GCSAML: variants seen among roughly 807,000 people sequenced by gnomAD.
GCSAML encodes the protein germinal center associated signaling and motility like, also known as germinal center-associated signaling and motility-like protein.
A neutral mutation model predicts 13.0 loss-of-function variants in GCSAML; 9 were observed. The observed-to-expected ratio is 0.69, with a 90% CI of 0.42 to 1.21. The LOEUF is 1.21. Ranked by LOEUF, GCSAML falls within the 50% of genes most tolerant of loss-of-function variation. The pLI, the probability that GCSAML is intolerant of heterozygous loss-of-function variation, is 0.00. For synonymous variants in GCSAML, 37 were observed against 52.9 expected (o/e 0.70, Z 1.31); for missense variants, 143 against 153.4 (o/e 0.93, Z 0.36).
chr1:247,524,028 ACT>A (rs1553302214), intron 1 of GCSAML, among the ~76,000 whole-genome samples: 3 of 150,368 alleles, frequency 2.0e-5, no homozygotes, highest in Non-Finnish European at 4.4e-5. Context: ...ACACACACAC[ACT>A]CTGCAGATGC....
At chr1:247,548,959 T>C (rs41315844), upstream of GCSAML, 8,427 of 1,001,434 alleles carry the variant, frequency 8.4e-3, 67 homozygotes, top group Non-Finnish European at 0.011. The surrounding 1 kb of genome is among the most constrained non-coding windows in gnomAD (Gnocchi z 5.3). Context: ...AGTGTGTGTG[T>C]GTGCGTGCAG....
chr1:247,570,844 A>T (rs994881618), intron 4 of GCSAML, among the ~76,000 whole-genome samples: 1 of 152,038 alleles, frequency 6.6e-6, no homozygotes, highest in Non-Finnish European at 1.5e-5. Flanking sequence ...TTGGAGTCTG[A>T]GTCTCTTTTT....
chr1:247,530,524 C>G (rs958954865), intron 2 of GCSAML: 28 of 141,650 alleles, frequency 2.0e-4, no homozygotes, highest in African/African-American at 6.8e-4. Flanking sequence ...CCATCCCCCC[C>G]CCACAAAATA....
chr1:247,534,115 C>T (rs1179474224), intron 2 of GCSAML, among the ~76,000 whole-genome samples: 3 of 152,178 alleles, frequency 2.0e-5, no homozygotes, highest in Non-Finnish European at 2.9e-5. Flanking sequence ...CTCACAACTC[C>T]CTTCTCTCTC....
At chr1:247,520,168 G>A (rs6682698) in intron 1 of GCSAML, among the ~76,000 whole-genome samples, 137 of 152,290 alleles carry the variant, frequency 9.0e-4, no homozygotes, top group African/African-American at 3.2e-3. Context: ...CTTAGTTCCT[G>A]TAATGGCTAG....
chr1:247,565,739 A>G (rs2103062628), intron 3 of GCSAML, 192 bp from the exon 4 acceptor site: 1 of 545,644 alleles, frequency 1.8e-6, no homozygotes, highest in East Asian at 3.4e-5. Flanking sequence ...TTCTTTCTTG[A>G]TTTTTTCACT....
At chr1:247,563,130 A>G (rs1176168) in intron 2 of GCSAML, among the ~76,000 whole-genome samples, 30,174 of 151,798 alleles carry the variant, frequency 0.2, 3,556 homozygotes, top group Middle Eastern at 0.32. Context: ...TCACAGGCAT[A>G]AGCCATCCCA....
chr1:247,534,512 CG>C (rs1412766165), intron 2 of GCSAML, among the ~76,000 whole-genome samples: 1 of 152,202 alleles, frequency 6.6e-6, no homozygotes, highest in Non-Finnish European at 1.5e-5. Context: ...TGGAATAAAA[CG>C]AGCACGATTT....
intron 1 of GCSAML, among the ~76,000 whole-genome samples, chr1:247,554,563 C>G (rs1667892202): frequency 6.6e-6 from 1 of 152,096 alleles, no homozygotes; most frequent in African/African-American, 2.4e-5. Flanking sequence ...TTTTAGCAAG[C>G]TATTTTCTTC....
At chr1:247,533,343 C>T (rs1217371591) in intron 2 of GCSAML, among the ~76,000 whole-genome samples, 9 of 152,152 alleles carry the variant, frequency 5.9e-5, no homozygotes, top group Admixed American at 5.9e-4. Context: ...CCTCATTCTT[C>T]CCCGCAGTTA....
chr1:247,516,604 G>A (rs1666218332), intron 1 of GCSAML, among the ~76,000 whole-genome samples: 1 of 148,504 alleles, frequency 6.7e-6, no homozygotes, highest in Admixed American at 6.7e-5. Flanking sequence ...TTTATATATG[G>A]CTGGTGATCA....
At chr1:247,537,996 G>A (rs970213804) in intron 2 of GCSAML, among the ~76,000 whole-genome samples, 6 of 151,646 alleles carry the variant, frequency 4.0e-5, no homozygotes, top group Admixed American at 6.6e-5. Flanking sequence ...TAATTTTGAT[G>A]AAGACTAATT....
chr1:247,561,273 G>T (rs935188889), intron 2 of GCSAML, among the ~76,000 whole-genome samples: 27 of 152,154 alleles, frequency 1.8e-4, no homozygotes, highest in Admixed American at 1.7e-3. Flanking sequence ...AACTGATAGA[G>T]CATACTTGTA....
intron 2 of GCSAML, 32 bp downstream of exon 2, chr1:247,556,498 T>A (rs746846334): frequency 2.0e-6 from 3 of 1,472,286 alleles, no homozygotes; most frequent in Non-Finnish European, 2.8e-6. Context: ...GTTTTTTTGT[T>A]TTGTTTTGTT....
At chr1:247,517,368 G>C (rs1254265742) in intron 1 of GCSAML, among the ~76,000 whole-genome samples, 1 of 152,186 alleles carries the variant, frequency 6.6e-6, no homozygotes. Context: ...TCGGCACAGA[G>C]TGTGAGACTG....
upstream of GCSAML, among the ~76,000 whole-genome samples, chr1:247,545,131 G>T (rs1667524951): frequency 6.6e-6 from 1 of 152,174 alleles, no homozygotes; most frequent in Admixed American, 6.5e-5. Flanking sequence ...TCAGATTTGA[G>T]AGTTTGTTTC....
intron 1 of GCSAML, among the ~76,000 whole-genome samples, chr1:247,553,565 C>T (rs928119994): frequency 1.3e-5 from 2 of 151,948 alleles, no homozygotes; most frequent in East Asian, 1.9e-4. Context: ...GGCATATTGC[C>T]TCTATCAAAA....
chr1:247,562,914 G>A (rs892670103), intron 2 of GCSAML, among the ~76,000 whole-genome samples: 3 of 151,322 alleles, frequency 2.0e-5, no homozygotes, highest in South Asian at 2.1e-4. Context: ...ATCTCTGCTC[G>A]CTGCAACCTC....
intron 1 of GCSAML, among the ~76,000 whole-genome samples, chr1:247,516,202 A>G (rs1256459998): frequency 6.6e-6 from 1 of 152,210 alleles, no homozygotes; most frequent in East Asian, 1.9e-4. Context: ...TGTTTCTGAA[A>G]ACACATATGG....
Sources: allele counts gnomAD v4.1 joint callset (sites outside exome capture counted in the v4.1 genomes callset), GRCh38; gene constraint gnomAD v4.1.1; non-coding constraint Gnocchi (gnomAD v3.1); transcripts MANE v1.5; gene names NCBI Gene and HGNC (gene_info 2026-07-23, HGNC 2026-07-21).